Variants in IL1RAPL2 observed in about 807,000 individuals in gnomAD.
The protein encoded by IL1RAPL2 is X-linked interleukin-1 receptor accessory protein-like 2.
In IL1RAPL2, 3 loss-of-function variants were observed where a neutral mutation model predicts 44.1. The observed-to-expected ratio is 0.07, with a 90% confidence interval of 0.03 to 0.18. The LOEUF (loss-of-function observed/expected upper bound fraction) is 0.18, where lower values mean the gene tolerates loss of function less well. IL1RAPL2 is among the 10% of genes least tolerant of loss of function. The pLI is 1.00. For missense variants in IL1RAPL2, 391 were observed against 496.4 expected (o/e 0.79, Z 2.02); for synonymous variants, 181 against 178.8 (o/e 1.01, Z -0.10).
At chrX:104,647,907 C>A in intron 1 of IL1RAPL2, 2 of 649,434 alleles carry the variant, frequency 3.1e-6, no homozygotes, top group Non-Finnish European at 2.5e-6. Flanking sequence ...CTGTGACCAG[C>A]ATCCACATTA....
intron 2 of IL1RAPL2, among the ~76,000 whole-genome samples, chrX:104,700,986 G>A (rs1313137652): frequency 8.9e-6 from 1 of 112,004 alleles, no homozygotes; most frequent in East Asian, 2.8e-4. Flanking sequence ...GATTCCCCTA[G>A]TGTAGATAGC....
At chrX:105,760,884 T>C (rs973760616) in intron 10 of IL1RAPL2, among the ~76,000 whole-genome samples, 4 of 111,487 alleles carry the variant, frequency 3.6e-5, no homozygotes, top group Non-Finnish European at 7.5e-5. Flanking sequence ...CACACATATT[T>C]AGAAAGGCTC....
chrX:105,127,629 T>C (rs181956990), intron 2 of IL1RAPL2, among the ~76,000 whole-genome samples: 68 of 111,203 alleles, frequency 6.1e-4, no homozygotes, highest in African/African-American at 2.1e-3. Flanking sequence ...TAGAACTCTT[T>C]ATGTGACTCT....
chrX:105,072,684 G>A (rs1442917836), intron 2 of IL1RAPL2, among the ~76,000 whole-genome samples: 1 of 110,428 alleles, frequency 9.1e-6, no homozygotes, highest in Non-Finnish European at 1.9e-5. Context: ...TATATGTAGA[G>A]GACGTGCAGT....
chrX:104,750,909 G>A lies in IL1RAPL2; in HGVS notation c.82+91914G>A, dbSNP rs369456745. On this transcript the variant is annotated intron_variant, in intron 2 of 10. Transcript: ENST00000372582. Reference sequence around the variant, plus strand: ...AAACCCAAATAGTTAAAAATTCATAGCTGCTTTCATCACCAGCTGGTTGCA... The same window carrying A: ...AAACCCAAATAGTTAAAAATTCATAACTGCTTTCATCACCAGCTGGTTGCA... Among the ~76,000 whole-genome samples, 18 of 110,603 alleles carry A rather than the reference G, an allele frequency of 1.6e-4. 1 individual carries two copies. In the East Asian group the frequency reaches 2.9e-3, roughly 18 times the overall value.
Position 104,908,505 on chromosome X carries a change from A to C in IL1RAPL2, c.82+249510A>C, listed in dbSNP as rs1199889442. Among the ~76,000 whole-genome samples, 8 of 110,984 alleles carry C rather than the reference A, an allele frequency of 7.2e-5. No homozygotes were observed. In the East Asian group the frequency reaches 1.4e-3, roughly 20 times the overall value. Reference sequence around the variant, plus strand: ...CTCTTTTAGGGCAGGCCTGGTGGTGACAAAATCTCTCAGCATTTGCTCGTC... The same window carrying C: ...CTCTTTTAGGGCAGGCCTGGTGGTGCCAAAATCTCTCAGCATTTGCTCGTC... On this transcript the variant is annotated intron_variant, in intron 2 of 10. Transcript: ENST00000372582.
intron 2 of IL1RAPL2, among the ~76,000 whole-genome samples, chrX:104,976,744 A>G (rs1247762684): frequency 9.0e-6 from 1 of 110,902 alleles, no homozygotes; most frequent in South Asian, 3.9e-4. Flanking sequence ...TCCAAATGCC[A>G]AAAACCCCAG....
chrX:104,960,699 A>G (rs958419763), intron 2 of IL1RAPL2, among the ~76,000 whole-genome samples: 13 of 109,603 alleles, frequency 1.2e-4, no homozygotes, highest in African/African-American at 3.3e-4. Flanking sequence ...TCTTCTCTTC[A>G]CATTCCACCT....
At chrX:105,050,280 C>T (rs767335876) in intron 2 of IL1RAPL2, among the ~76,000 whole-genome samples, 2 of 112,100 alleles carry the variant, frequency 1.8e-5, no homozygotes, top group African/African-American at 6.5e-5. Context: ...GGAAGTAGGA[C>T]TCAGTACAGC....
At chrX:105,735,880 A>T (rs2038443695) in intron 7 of IL1RAPL2, among the ~76,000 whole-genome samples, 1 of 111,768 alleles carries the variant, frequency 8.9e-6, no homozygotes, top group Non-Finnish European at 1.9e-5. Flanking sequence ...ATTAGAAAAA[A>T]CTATTTAAAA....
At chrX:104,651,037 G>A (rs946602110) in intron 1 of IL1RAPL2, among the ~76,000 whole-genome samples, 32 of 111,969 alleles carry the variant, frequency 2.9e-4, no homozygotes, top group African/African-American at 9.7e-4. Context: ...ACAATGTCTG[G>A]CCCACACAAA....
At chrX:105,374,316 G>A (rs939207637) in intron 5 of IL1RAPL2, among the ~76,000 whole-genome samples, 1 of 109,385 alleles carries the variant, frequency 9.1e-6, no homozygotes, top group Non-Finnish European at 1.9e-5. Flanking sequence ...TTGGCTATTC[G>A]GGCCCTTTTT....
chrX:105,612,061 C>A (rs2037340255), intron 6 of IL1RAPL2, among the ~76,000 whole-genome samples: 1 of 110,882 alleles, frequency 9.0e-6, no homozygotes, highest in Non-Finnish European at 1.9e-5. Context: ...GTATAGTTAC[C>A]TTTATAAGAA....
intron 6 of IL1RAPL2, among the ~76,000 whole-genome samples, chrX:105,516,198 C>T (rs1256788190): frequency 8.9e-6 from 1 of 112,278 alleles, no homozygotes; most frequent in Non-Finnish European, 1.9e-5. Context: ...ACCATGTTTT[C>T]ACCAGGTGCA....
At chrX:105,546,886 T>G (rs2036805827) in intron 6 of IL1RAPL2, among the ~76,000 whole-genome samples, 1 of 112,310 alleles carries the variant, frequency 8.9e-6, no homozygotes, top group South Asian at 3.7e-4. Flanking sequence ...TTATTGTCAG[T>G]GAAGTTGAAC....
intron 7 of IL1RAPL2, among the ~76,000 whole-genome samples, chrX:105,724,059 G>T (rs2038330073): frequency 9.0e-6 from 1 of 111,420 alleles, no homozygotes; most frequent in Admixed American, 9.6e-5. Flanking sequence ...CAGTTGACTT[G>T]TGGAGAAGCT....
intron 2 of IL1RAPL2, among the ~76,000 whole-genome samples, chrX:104,917,050 C>T (rs1308645497): frequency 1.8e-5 from 2 of 111,515 alleles, no homozygotes; most frequent in African/African-American, 6.5e-5. Flanking sequence ...TGTGTCTCTA[C>T]CAGGTTTTGG....
At chrX:105,205,030 T>C (rs1427388928) in intron 3 of IL1RAPL2, among the ~76,000 whole-genome samples, 2 of 111,112 alleles carry the variant, frequency 1.8e-5, no homozygotes, top group Admixed American at 1.9e-4. Context: ...GGAAAACATA[T>C]AAATAATGCA....
chrX:105,213,190 G>C (rs1041823617), intron 3 of IL1RAPL2, among the ~76,000 whole-genome samples: 1 of 109,856 alleles, frequency 9.1e-6, no homozygotes, highest in Non-Finnish European at 1.9e-5. Context: ...TGAGCAAAAG[G>C]AGCATGTTCT....
Sources: allele counts gnomAD v4.1 joint callset (sites outside exome capture counted in the v4.1 genomes callset), GRCh38; gene constraint gnomAD v4.1.1; transcripts MANE v1.5; gene names NCBI Gene and HGNC (gene_info 2026-07-23, HGNC 2026-07-21).